The following NRXN3 variants were observed in gnomAD, a reference collection of about 807,000 sequenced individuals.
The protein encoded by NRXN3 is neurexin III.
NRXN3 carries 32 observed loss-of-function variants against 137.6 expected under a neutral mutation model. The ratio of observed to expected loss-of-function variants is 0.23; its 90% CI spans 0.18 to 0.31. NRXN3 has a LOEUF of 0.31. NRXN3 is among the 10% of genes least tolerant of loss of function. The pLI is 1.00. For missense variants in NRXN3, 1,574 were observed against 2,062.5 expected, an observed-to-expected ratio of 0.76 and a Z score of 4.59; for synonymous variants, 798 against 784.5, an observed-to-expected ratio of 1.02 and a Z score of -0.29.
chr14:78,867,462 T>A (rs1368756667), intron 10 of NRXN3, among the ~76,000 whole-genome samples: 1 of 152,208 alleles, frequency 6.6e-6, no homozygotes, highest in East Asian at 1.9e-4. Flanking sequence ...TAATTTTAAT[T>A]TTCAGTGCTA....
At chr14:79,780,080 T>G (rs2099109156) in intron 19 of NRXN3, among the ~76,000 whole-genome samples, 1 of 152,026 alleles carries the variant, frequency 6.6e-6, no homozygotes. Flanking sequence ...CATAAGAGGA[T>G]CCACAATTCT....
chr14:79,362,048 C>G (rs1328583232), intron 15 of NRXN3, among the ~76,000 whole-genome samples: 1 of 145,862 alleles, frequency 6.9e-6, no homozygotes, highest in African/African-American at 2.5e-5. Context: ...CAACCTCTGC[C>G]TCCAGGTTTC....
intron 15 of NRXN3, among the ~76,000 whole-genome samples, chr14:79,168,345 A>T (rs1403513297): frequency 6.6e-6 from 1 of 152,062 alleles, no homozygotes; most frequent in East Asian, 1.9e-4. Flanking sequence ...TTAGAGGGAG[A>T]TAGTTGATAT....
At chr14:79,775,878 TGG>T in intron 19 of NRXN3, among the ~76,000 whole-genome samples, 1 of 152,196 alleles carries the variant, frequency 6.6e-6, no homozygotes, top group Non-Finnish European at 1.5e-5. Context: ...ACTTGATAGT[TGG>T]TAAGGATCAA....
At chr14:78,924,879 T>C (rs1420425536) in intron 10 of NRXN3, among the ~76,000 whole-genome samples, 1 of 152,116 alleles carries the variant, frequency 6.6e-6, no homozygotes, top group Non-Finnish European at 1.5e-5. Context: ...TAGGGGGGAA[T>C]TGAGTCACAC....
At chr14:78,973,504 A>G (rs1251950782) in intron 14 of NRXN3, among the ~76,000 whole-genome samples, 1 of 152,168 alleles carries the variant, frequency 6.6e-6, no homozygotes, top group African/African-American at 2.4e-5. Flanking sequence ...TATATTTTCT[A>G]TTGGGGATTT....
At chr14:79,635,842 T>G (rs1294254304) in intron 16 of NRXN3, among the ~76,000 whole-genome samples, 1 of 152,004 alleles carries the variant, frequency 6.6e-6, no homozygotes, top group Non-Finnish European at 1.5e-5. Context: ...AGCAAACACA[T>G]CCTTCTTCAC....
At chr14:79,570,168 G>A (rs1035278541) in intron 16 of NRXN3, among the ~76,000 whole-genome samples, 2 of 152,106 alleles carry the variant, frequency 1.3e-5, no homozygotes, top group African/African-American at 4.8e-5. Context: ...GAACACAGTC[G>A]GTACTCTCAT....
At chr14:78,831,989 A>T (rs919167906) in intron 10 of NRXN3, among the ~76,000 whole-genome samples, 2 of 152,030 alleles carry the variant, frequency 1.3e-5, no homozygotes, top group African/African-American at 4.8e-5. Flanking sequence ...CTCAGTGGGG[A>T]GTGGGGTAAA....
intron 16 of NRXN3, among the ~76,000 whole-genome samples, chr14:79,548,690 A>G (rs2097344592): frequency 6.6e-6 from 1 of 151,932 alleles, no homozygotes. Context: ...CTCTCAAGGC[A>G]TCAACATCTT....
intron 15 of NRXN3, among the ~76,000 whole-genome samples, chr14:79,461,131 TC>T (rs2096332862): frequency 6.6e-6 from 1 of 152,158 alleles, no homozygotes; most frequent in East Asian, 1.9e-4. Flanking sequence ...TTCACCTTTC[TC>T]CCCTCCTTTT....
chr14:78,248,302 G>T (rs866244844), intron 2 of NRXN3, among the ~76,000 whole-genome samples: 2 of 22,556 alleles, frequency 8.9e-5, no homozygotes, highest in South Asian at 2.7e-3. Flanking sequence ...ACCGCCCCCC[G>T]CCCCCCCCCC....
At chr14:78,208,281 G>A (rs1311496038) in intron 1 of NRXN3, among the ~76,000 whole-genome samples, 6 of 152,084 alleles carry the variant, frequency 3.9e-5, no homozygotes, top group Non-Finnish European at 7.4e-5. Context: ...TGACCTAGAG[G>A]CCTTTCAAAA....
chr14:79,708,075 T>C (rs2154046119), intron 19 of NRXN3, among the ~76,000 whole-genome samples: 1 of 152,352 alleles, frequency 6.6e-6, no homozygotes, highest in East Asian at 1.9e-4. Flanking sequence ...ACCACTTCTA[T>C]GTAAAAGGTA....
intron 16 of NRXN3, among the ~76,000 whole-genome samples, chr14:79,635,041 G>A (rs1458178751): frequency 6.6e-6 from 1 of 152,100 alleles, no homozygotes; most frequent in Non-Finnish European, 1.5e-5. Flanking sequence ...ATAATATATT[G>A]TGTCATTCAA....
intron 15 of NRXN3, chr14:79,072,351 G>C (rs1320018527): frequency 6.6e-6 from 1 of 152,194 alleles, no homozygotes; most frequent in Non-Finnish European, 1.5e-5. Context: ...TGTTAAGGTG[G>C]TTAACAGTGG....
At chr14:78,224,916 G>A (rs1289265675) in intron 1 of NRXN3, among the ~76,000 whole-genome samples, 2 of 150,944 alleles carry the variant, frequency 1.3e-5, no homozygotes, top group Admixed American at 6.6e-5. Flanking sequence ...ACAGGCACCC[G>A]CCACCGTGCC....
chr14:78,292,259 T>C (rs1222151242), intron 3 of NRXN3, among the ~76,000 whole-genome samples: 1 of 152,214 alleles, frequency 6.6e-6, no homozygotes, highest in African/African-American at 2.4e-5. Context: ...GCTATAGCTA[T>C]CTCCATGGGG....
intron 15 of NRXN3, among the ~76,000 whole-genome samples, chr14:79,432,713 T>G (rs1036739992): frequency 3.3e-5 from 5 of 152,212 alleles, no homozygotes; most frequent in Non-Finnish European, 7.3e-5. Flanking sequence ...AATTCTAAAC[T>G]GTGAGCTTTT....
Sources: gnomAD v4.1 joint callset for allele counts (sites outside exome capture counted in the v4.1 genomes callset) on GRCh38, gnomAD v4.1.1 for gene constraint, MANE v1.5 for transcripts, NCBI Gene and HGNC (gene_info 2026-07-23, HGNC 2026-07-21) for gene names.